FAM117B: variants seen among roughly 807,000 people sequenced by gnomAD.
FAM117B encodes protein FAM117B.
FAM117B carries 22 observed loss-of-function variants against 52.8 expected under a neutral mutation model. That is an observed-to-expected ratio of 0.42 (90% CI 0.30 to 0.59). The LOEUF is 0.59. Among genes scored for constraint, FAM117B ranks in the 20% least tolerant of loss-of-function variants. The probability of loss-of-function intolerance (pLI) is 0.22; values close to 1 mark genes in which losing one functional copy is unlikely to be tolerated. For synonymous variants in FAM117B, 309 were observed against 324.1 expected, an observed-to-expected ratio of 0.95 and a Z score of 0.50; for missense variants, 678 against 802.6, an observed-to-expected ratio of 0.84 and a Z score of 1.88.
intron 1 of FAM117B, among the ~76,000 whole-genome samples, chr2:202,694,642 T>C (rs1483395847): frequency 6.6e-6 from 1 of 152,166 alleles, no homozygotes; most frequent in African/African-American, 2.4e-5. Flanking sequence ...ATACCCACTT[T>C]GTTTGCTCAG....
chr2:202,738,758 A>T (rs1193882676), intron 4 of FAM117B, among the ~76,000 whole-genome samples: 1 of 152,210 alleles, frequency 6.6e-6, no homozygotes, highest in Non-Finnish European at 1.5e-5. Flanking sequence ...GTAACTGCCT[A>T]TTTTTATAGA....
intron 4 of FAM117B, among the ~76,000 whole-genome samples, chr2:202,751,021 A>G (rs1430923850): frequency 2.0e-5 from 3 of 152,328 alleles, no homozygotes; most frequent in East Asian, 3.9e-4. Flanking sequence ...GAGAAATTAT[A>G]GAATTTATTC....
intron 4 of FAM117B, among the ~76,000 whole-genome samples, chr2:202,746,107 A>G (rs7589458): frequency 0.25 from 38,255 of 152,186 alleles, 5,742 homozygotes; most frequent in Middle Eastern, 0.36. Flanking sequence ...GAACTAATAG[A>G]CATTTACAGA....
At chr2:202,732,540 C>A (rs1466946465) in intron 4 of FAM117B, among the ~76,000 whole-genome samples, 1 of 152,098 alleles carries the variant, frequency 6.6e-6, no homozygotes, top group African/African-American at 2.4e-5. Flanking sequence ...TTATGCTGGC[C>A]AGGCACGGCG....
At chr2:202,638,377 A>C (rs1689718502) in intron 1 of FAM117B, among the ~76,000 whole-genome samples, 1 of 152,184 alleles carries the variant, frequency 6.6e-6, no homozygotes, top group Non-Finnish European at 1.5e-5. Flanking sequence ...AAACACCCTG[A>C]GGAGAACTGG....
At chr2:202,757,486 T>C (rs1378720456) in intron 6 of FAM117B, 48 bp downstream of exon 6, 7 of 1,524,760 alleles carry the variant, frequency 4.6e-6, no homozygotes, top group Non-Finnish European at 6.4e-6. Flanking sequence ...GAATACCTCC[T>C]CTTGTATCAT....
intron 4 of FAM117B, among the ~76,000 whole-genome samples, chr2:202,741,207 G>T (rs1691530812): frequency 6.6e-6 from 1 of 151,900 alleles, no homozygotes; most frequent in Admixed American, 6.6e-5. Context: ...GGATCACGAG[G>T]TCAGGAGATC....
intron 1 of FAM117B, among the ~76,000 whole-genome samples, chr2:202,668,180 AT>A (rs1206355111): frequency 6.9e-6 from 1 of 144,778 alleles, no homozygotes; most frequent in African/African-American, 2.5e-5. Context: ...TACATATTAT[AT>A]TATATAATAT....
intron 7 of FAM117B, among the ~76,000 whole-genome samples, chr2:202,762,917 T>A (rs1239246746): frequency 6.6e-6 from 1 of 152,052 alleles, no homozygotes; most frequent in Non-Finnish European, 1.5e-5. Flanking sequence ...TAAGTCTGTT[T>A]TCATGAAAGC....
chr2:202,712,945 T>A (rs1690980597), intron 2 of FAM117B, among the ~76,000 whole-genome samples: 1 of 152,232 alleles, frequency 6.6e-6, no homozygotes, highest in East Asian at 1.9e-4. Context: ...AGTTTGCTAG[T>A]ATTTTGTTAA....
chr2:202,741,489 A>G (rs1324672314), intron 4 of FAM117B, among the ~76,000 whole-genome samples: 1 of 148,190 alleles, frequency 6.7e-6, no homozygotes, highest in Non-Finnish European at 1.5e-5. Context: ...AGATAATATG[A>G]TAGTATATCT....
At chr2:202,645,922 T>C (rs768159525) in intron 1 of FAM117B, among the ~76,000 whole-genome samples, 1 of 152,126 alleles carries the variant, frequency 6.6e-6, no homozygotes, top group East Asian at 1.9e-4. Flanking sequence ...TTTATTTTTA[T>C]CTTGTATTCG....
chr2:202,744,541 A>G (rs1021684339), intron 4 of FAM117B, among the ~76,000 whole-genome samples: 9 of 152,232 alleles, frequency 5.9e-5, no homozygotes, highest in African/African-American at 2.2e-4. Context: ...TCCCAATGAT[A>G]GCACCATCAG....
At chr2:202,688,375 C>CGT (rs1690575580) in intron 1 of FAM117B, among the ~76,000 whole-genome samples, 1 of 151,898 alleles carries the variant, frequency 6.6e-6, no homozygotes, top group Non-Finnish European at 1.5e-5. Context: ...GCGTTTCCTT[C>CGT]GTGTGTGTGT....
rs944583212 is a variant in FAM117B, at chr2:202,714,395, A to C, written c.754-10522A>C. ...TGTATAAATGAACTGTTCAGTACTG[A>C]AAGTGGGGTGGTGAAGTCTCCAGCT... On this transcript the variant is annotated intron_variant, in intron 2 of 7. Coordinates refer to ENST00000392238, the MANE Select transcript of FAM117B (RefSeq NM_173511.4). Among the ~76,000 whole-genome samples the C allele has an allele frequency of 4.6e-5, 7 of 152,268 alleles. No homozygotes were observed. In the East Asian group the frequency reaches 1.2e-3, roughly 25 times the overall value.
At chr2:202,757,070 G>A (rs557606724) in intron 5 of FAM117B, 143 bp from the exon 6 acceptor site, 155 of 842,686 alleles carry the variant, frequency 1.8e-4, no homozygotes, top group African/African-American at 1.5e-3. Flanking sequence ...TGTCACTAAC[G>A]TGCAACATGA....
chr2:202,635,595 C>A lies in FAM117B; in HGVS notation c.408C>A (p.Ser136Arg). ...GCGCCGCGCCTGGAGCTCGCGGGAGCCCCCCACGGCCGCCGCCGCCGCCGC... is the reference window on the plus strand; with the variant it reads ...GCGCCGCGCCTGGAGCTCGCGGGAGACCCCCACGGCCGCCGCCGCCGCCGC... ...TRSAAPGARG[S>R]PPRPPPPPPL... Residue 136 changes from serine to arginine, a missense_variant, in exon 1 of 8, where the codon AGC (serine) becomes AGA (arginine). Coordinates refer to ENST00000392238, the MANE Select transcript of FAM117B (RefSeq NM_173511.4). 2.4e-6 allele frequency: 3 copies of A among 1,261,996 alleles called. No homozygotes were observed. The highest frequency in any genetic ancestry group is 3.0e-6 in the Non-Finnish European group (3 of 1,009,272). The allele number at this position is 1,261,996 out of a possible 1,614,324, so 78.2% of individuals were successfully genotyped here. A position where few individuals can be genotyped will look rare whatever the true frequency, so the allele number is the denominator to read the frequency against.
chr2:202,678,351 T>C (rs1690408613), intron 1 of FAM117B, among the ~76,000 whole-genome samples: 1 of 152,108 alleles, frequency 6.6e-6, no homozygotes, highest in South Asian at 2.1e-4. Flanking sequence ...GGTGTTTGAT[T>C]TGCATAGGGC....
intron 3 of FAM117B, 142 bp downstream of exon 3, chr2:202,725,151 TA>T: frequency 1.9e-6 from 1 of 519,898 alleles, no homozygotes. Flanking sequence ...CAAAAACAAT[TA>T]TTGTGTTGAT....
Sources: allele counts gnomAD v4.1 joint callset (sites outside exome capture counted in the v4.1 genomes callset), GRCh38; gene constraint gnomAD v4.1.1; transcripts MANE v1.5; gene names NCBI Gene and HGNC (gene_info 2026-07-23, HGNC 2026-07-21).